TMEM132C: variants seen among roughly 807,000 people sequenced by gnomAD.
TMEM132C encodes the protein protein phosphatase 1, regulatory subunit 152.
TMEM132C carries 29 observed loss-of-function variants against 61.4 expected under a neutral mutation model. The ratio of observed to expected loss-of-function variants is 0.47; its 90% CI spans 0.35 to 0.64. TMEM132C has a LOEUF of 0.64. Ranked by LOEUF, TMEM132C falls within the 30% of genes least tolerant of loss-of-function variation. The pLI, the probability that TMEM132C is intolerant of heterozygous loss-of-function variation, is 0.00. For synonymous variants in TMEM132C, 656 were observed against 633.1 expected (o/e 1.04, Z -0.54); for missense variants, 1,408 against 1,476.9 (o/e 0.95, Z 0.76).
At chr12:128,539,354 C>T (rs977537780) in intron 2 of TMEM132C, among the ~76,000 whole-genome samples, 3 of 152,182 alleles carry the variant, frequency 2.0e-5, no homozygotes, top group African/African-American at 4.8e-5. Flanking sequence ...TGGTGTCTCA[C>T]ACCTGTAATC....
chr12:128,428,404 G>C (rs933782104), intron 2 of TMEM132C, among the ~76,000 whole-genome samples: 3 of 152,048 alleles, frequency 2.0e-5, no homozygotes, highest in Admixed American at 6.6e-5. Context: ...TCCCAGCTTC[G>C]ACCCTGCTCA....
At chr12:128,555,959 C>T (rs1466798946) in intron 3 of TMEM132C, among the ~76,000 whole-genome samples, 1 of 152,146 alleles carries the variant, frequency 6.6e-6, no homozygotes, top group East Asian at 1.9e-4. Flanking sequence ...CTCAGTGATC[C>T]TCCCACCTCG....
chr12:128,598,913 A>AATCCATTT (rs1295070243), intron 3 of TMEM132C, among the ~76,000 whole-genome samples: 1 of 151,982 alleles, frequency 6.6e-6, no homozygotes, highest in Non-Finnish European at 1.5e-5. Context: ...GTCTAGTTTC[A>AATCCATTT]ATCCATTTCC....
chr12:128,706,029 G>A lies in TMEM132C; in HGVS notation c.3061G>A (p.Val1021Met), dbSNP rs571343490. 2.3e-5 allele frequency: 36 copies of A among 1,551,630 alleles called. 1 individual carries two copies. In the East Asian group the frequency reaches 2.7e-4, roughly 12 times the overall value. ...LLLNGGSHKH[V>M]QSQIHRSADS... Reference sequence around the variant, plus strand: ...GCTCAATGGTGGCTCCCACAAGCACGTGCAGAGCCAGATTCACAGGTCAGC... The same window carrying A: ...GCTCAATGGTGGCTCCCACAAGCACATGCAGAGCCAGATTCACAGGTCAGC... The change falls in exon 9 of 9, where the codon GTG (valine) becomes ATG (methionine). Residue 1021 changes from valine (V) to methionine (M), a missense_variant. Physicochemically the swap from Val to Met is conservative, Grantham distance 21. Coordinates refer to ENST00000435159, the MANE Select transcript of TMEM132C (RefSeq NM_001136103.3).
intron 1 of TMEM132C, among the ~76,000 whole-genome samples, chr12:128,339,727 C>T (rs886927192): frequency 5.3e-5 from 8 of 151,328 alleles, no homozygotes; most frequent in African/African-American, 1.7e-4. Flanking sequence ...GCTCTCCATG[C>T]ATTTGAGGAG....
intron 1 of TMEM132C, among the ~76,000 whole-genome samples, chr12:128,268,936 A>AGAG (rs1373199566): frequency 2.3e-5 from 2 of 86,848 alleles, no homozygotes; most frequent in African/African-American, 6.0e-5. Flanking sequence ...GTGGGGCGAG[A>AGAG]GAGGGGGGAA....
chr12:128,460,578 T>C (rs1278658209), intron 2 of TMEM132C, among the ~76,000 whole-genome samples: 1 of 151,928 alleles, frequency 6.6e-6, no homozygotes, highest in Non-Finnish European at 1.5e-5. Flanking sequence ...GTGCCACTCA[T>C]TGCCACCCCA....
intron 2 of TMEM132C, among the ~76,000 whole-genome samples, chr12:128,485,589 G>T (rs967770976): frequency 9.9e-6 from 1 of 101,486 alleles, no homozygotes; most frequent in African/African-American, 6.5e-5. Context: ...ACTGGGGAGT[G>T]GGGTGCTACT....
chr12:128,666,511 C>T (rs1242561695), intron 4 of TMEM132C, among the ~76,000 whole-genome samples: 2 of 152,084 alleles, frequency 1.3e-5, no homozygotes, highest in South Asian at 2.1e-4. Flanking sequence ...ATTCAACAGT[C>T]GAAAAGATAG....
chr12:128,561,448 TC>T (rs1874516631), intron 3 of TMEM132C, among the ~76,000 whole-genome samples: 1 of 152,198 alleles, frequency 6.6e-6, no homozygotes, highest in Non-Finnish European at 1.5e-5. Flanking sequence ...TGTTAAACCC[TC>T]CCAGTTAGGG....
intron 3 of TMEM132C, among the ~76,000 whole-genome samples, chr12:128,563,599 C>T (rs1431848060): frequency 6.6e-6 from 1 of 152,118 alleles, no homozygotes; most frequent in East Asian, 1.9e-4. Context: ...TAGCACTGTG[C>T]CATGCGCTCT....
At chr12:128,511,329 A>C (rs1202785681) in intron 2 of TMEM132C, among the ~76,000 whole-genome samples, 1 of 152,186 alleles carries the variant, frequency 6.6e-6, no homozygotes, top group Non-Finnish European at 1.5e-5. Flanking sequence ...GGAAGGAGTG[A>C]GAAGTTAGGG....
chr12:128,683,460 C>T (rs1566014099), intron 5 of TMEM132C, among the ~76,000 whole-genome samples: 3 of 152,194 alleles, frequency 2.0e-5, no homozygotes, highest in Non-Finnish European at 4.4e-5. Context: ...CAGGCCCTCA[C>T]GCAGTGTAAG....
At chr12:128,516,602 GA>G (rs11353244) in intron 2 of TMEM132C, among the ~76,000 whole-genome samples, 132,478 of 150,628 alleles carry the variant, frequency 0.88, 60,639 homozygotes, top group East Asian at 1. Context: ...CCAAAGGAGG[GA>G]AAAAAAAAAC....
Position 128,386,009 on chromosome 12 carries a change from C to T in TMEM132C, c.86-28723C>T, listed in dbSNP as rs547144603. 1.2e-4 allele frequency among the ~76,000 whole-genome samples: 18 copies of T among 152,134 alleles called. No individual in the cohort carries two copies. The South Asian group carries it at 1.5e-3, about 12-fold the overall frequency. Reference sequence around the variant, plus strand: ...CTATGGCCCCTGGAACAGCCCCTCACGAAGTATTTGGTTCTCGCTGGCTCA... The same window carrying T: ...CTATGGCCCCTGGAACAGCCCCTCATGAAGTATTTGGTTCTCGCTGGCTCA... On this transcript the variant is annotated intron_variant, in intron 1 of 8. Coordinates refer to ENST00000435159, the MANE Select transcript of TMEM132C (RefSeq NM_001136103.3).
intron 3 of TMEM132C, among the ~76,000 whole-genome samples, chr12:128,607,662 C>G (rs1876475570): frequency 6.6e-6 from 1 of 152,134 alleles, no homozygotes; most frequent in South Asian, 2.1e-4. Context: ...TCAAGAATGA[C>G]TCCTGGAAAT....
chr12:128,669,521 G>A lies in TMEM132C; in HGVS notation c.1410G>A (p.Glu470=), dbSNP rs1452986375. Residue 470 remains glutamate (E), a synonymous_variant, in exon 5 of 9, where the codon GAG becomes GAA. Transcript: ENST00000435159. The stretch of plus-strand genomic sequence containing the variant: ...ACAGTGCCGTGATGGACATCTCAGA[G>A]TCGGTGGAGTGCAAGTCCACAGACG... ...EENSAVMDIS[E]SVECKSTDED... is the part of the protein sequence containing the mutation. 3 of 1,551,682 alleles carry A rather than the reference G, an allele frequency of 1.9e-6. No homozygotes were observed. The highest frequency in any genetic ancestry group is 2.6e-6 in the Non-Finnish European group (3 of 1,146,984).
chr12:128,652,777 A>G (rs1272440706), intron 4 of TMEM132C, among the ~76,000 whole-genome samples: 1 of 152,256 alleles, frequency 6.6e-6, no homozygotes, highest in Non-Finnish European at 1.5e-5. Flanking sequence ...AAAAGTGCTC[A>G]GGCCAATTTG....
intron 2 of TMEM132C, among the ~76,000 whole-genome samples, chr12:128,435,975 A>G (rs190709973): frequency 6.6e-6 from 1 of 152,222 alleles, no homozygotes; most frequent in South Asian, 2.1e-4. Flanking sequence ...AACAGAACAG[A>G]GGCCTCAGAA....
Sources: allele counts gnomAD v4.1 joint callset (sites outside exome capture counted in the v4.1 genomes callset), GRCh38; gene constraint gnomAD v4.1.1; transcripts MANE v1.5; gene names NCBI Gene and HGNC (gene_info 2026-07-23, HGNC 2026-07-21).